Variants in MYO3B observed in about 807,000 individuals in gnomAD.
MYO3B encodes the protein myosin-IIIb.
MYO3B carries 156 observed loss-of-function variants against 174.6 expected under a neutral mutation model. The ratio of observed to expected loss-of-function variants is 0.89; its 90% CI spans 0.78 to 1.02. MYO3B has a LOEUF of 1.02. MYO3B is among the 50% of genes least tolerant of loss of function. The probability of loss-of-function intolerance (pLI) is 0.00; values close to 1 mark genes in which losing one functional copy is unlikely to be tolerated. For missense variants in MYO3B, 1,632 were observed against 1,639.4 expected, an observed-to-expected ratio of 1.00 and a Z score of 0.08; for synonymous variants, 563 against 569.1, an observed-to-expected ratio of 0.99 and a Z score of 0.15.
chr2:170,462,793 C>G (rs1197246972), intron 23 of MYO3B, among the ~76,000 whole-genome samples: 1 of 152,232 alleles, frequency 6.6e-6, no homozygotes, highest in Non-Finnish European at 1.5e-5. Context: ...TTCAGTCAGC[C>G]CAGGTAGTTG....
intron 25 of MYO3B, among the ~76,000 whole-genome samples, chr2:170,475,476 C>T (rs1372716767): frequency 6.6e-6 from 1 of 152,166 alleles, no homozygotes; most frequent in Non-Finnish European, 1.5e-5. Context: ...GTCTCAGACT[C>T]CTGGGCTCAA....
At chr2:170,538,474 C>T (rs892779333) in intron 30 of MYO3B, among the ~76,000 whole-genome samples, 3 of 152,314 alleles carry the variant, frequency 2.0e-5, no homozygotes, top group South Asian at 2.1e-4. Flanking sequence ...CTAGTGCCAC[C>T]GGCGCAGCGT....
In MYO3B at chr2:170,466,497, C is replaced by T. The variant is rs1389999890; in HGVS notation, c.2809-9C>T. ...AACCTTGTTCCTTGTGCATTTTTCT[C>T]CCTGGTAGTATTCTCTGATGGACCT... On this transcript the variant is annotated splice_polypyrimidine_tract_variant and intron_variant, in intron 24 of 34. Coordinates refer to ENST00000408978, the MANE Select transcript of MYO3B (RefSeq NM_138995.5). The T allele has an allele frequency of 3.7e-6, 6 of 1,613,524 alleles. No individual in the cohort carries two copies. The highest frequency in any genetic ancestry group is 1.3e-5 in the African/African-American group (1 of 74,900).
chr2:170,592,958 A>G (rs1284482403), intron 32 of MYO3B, among the ~76,000 whole-genome samples: 1 of 152,174 alleles, frequency 6.6e-6, no homozygotes, highest in Non-Finnish European at 1.5e-5. Context: ...ATAGATATAT[A>G]TCTATAGATA....
intron 7 of MYO3B, among the ~76,000 whole-genome samples, chr2:170,250,678 C>G (rs146376256): frequency 6.6e-6 from 1 of 152,292 alleles, no homozygotes; most frequent in African/African-American, 2.4e-5. Context: ...ATCCAGAGTT[C>G]TTGTCCAGTG....
chr2:170,478,343 G>C (rs1216702808), intron 25 of MYO3B, among the ~76,000 whole-genome samples: 20 of 152,080 alleles, frequency 1.3e-4, no homozygotes, highest in Admixed American at 1.3e-3. Flanking sequence ...GTGATTTAAA[G>C]AATACGGGAT....
Position 170,231,301 on chromosome 2 carries a change from C to T in MYO3B, c.604-4690C>T, listed in dbSNP as rs146257228. Among the ~76,000 whole-genome samples, 172 of 152,282 alleles carry T rather than the reference C, an allele frequency of 1.1e-3. 1 individual carries two copies. The highest frequency in any genetic ancestry group is 4.1e-3 in the African/African-American group (169 of 41,556). On this transcript the variant is annotated intron_variant, in intron 6 of 34. Coordinates refer to ENST00000408978, the MANE Select transcript of MYO3B (RefSeq NM_138995.5). ...ACAATTGAAGACAGATAATGACTAGCCTTTGCTCCAAAGACCTGTCAAGCT... is the reference window on the plus strand; with the variant it reads ...ACAATTGAAGACAGATAATGACTAGTCTTTGCTCCAAAGACCTGTCAAGCT...
Position 170,516,498 on chromosome 2 carries a change from G to A in MYO3B, c.3472+1476G>A, listed in dbSNP as rs1476584153. Among the ~76,000 whole-genome samples, 3 of 151,978 alleles carry A rather than the reference G, an allele frequency of 2.0e-5. No homozygotes were observed. The South Asian group carries it at 6.3e-4, about 32-fold the overall frequency. On this transcript the variant is annotated intron_variant, in intron 29 of 34. Coordinates refer to ENST00000408978, the MANE Select transcript of MYO3B (RefSeq NM_138995.5). ...CTCTACTAAAAATACAAAAAATTAG[G>A]CGGGCATGGCGGCAGGCACCTGTAG...
chr2:170,393,286 G>A lies in MYO3B; in HGVS notation c.1791+791G>A, dbSNP rs375675331. Among the ~76,000 whole-genome samples the A allele has an allele frequency of 1.1e-4, 16 of 151,868 alleles. 1 individual carries two copies. The East Asian group carries it at 3.1e-3, about 30-fold the overall frequency. On this transcript the variant is annotated intron_variant, in intron 16 of 34. Transcript: ENST00000408978. ...TTTAGTAGAGACGGGGTTTCACCAT[G>A]TTGGCCAAGCTGGTCTTGAACTCCT... is the stretch of plus-strand genomic sequence containing the variant.
chr2:170,563,343 G>A (rs1691867645), intron 32 of MYO3B, among the ~76,000 whole-genome samples: 1 of 152,190 alleles, frequency 6.6e-6, no homozygotes, highest in Admixed American at 6.5e-5. Flanking sequence ...ACGTAAAGGA[G>A]CAAGAAGAGA....
rs531373112 is a variant in MYO3B at position 170,225,868 on chromosome 2, C to T, written c.603+8473C>T. 1.1e-3 allele frequency among the ~76,000 whole-genome samples: 165 copies of T among 152,288 alleles called. 2 individuals are homozygous for T. The highest frequency in any genetic ancestry group is 3.8e-3 in the African/African-American group (158 of 41,568). ...TGCAACTGTTCAGGGCAGTGCCAGA[C>T]GCAATAGGGGCTTCTAACAGTGGTG... On this transcript the variant is annotated intron_variant, in intron 6 of 34. Transcript: ENST00000408978.
chr2:170,614,557 T>C (rs1695325651), intron 32 of MYO3B, among the ~76,000 whole-genome samples: 1 of 152,208 alleles, frequency 6.6e-6, no homozygotes, highest in Non-Finnish European at 1.5e-5. Context: ...TTTGCTGTGC[T>C]CTTAACCAGA....
At chr2:170,576,646 T>C (rs1692806085) in intron 32 of MYO3B, among the ~76,000 whole-genome samples, 1 of 152,238 alleles carries the variant, frequency 6.6e-6, no homozygotes, top group Non-Finnish European at 1.5e-5. Flanking sequence ...TGTTCTTGTG[T>C]GTACATACTT....
intron 5 of MYO3B, among the ~76,000 whole-genome samples, chr2:170,216,244 G>A (rs2092826929): frequency 6.6e-6 from 1 of 152,218 alleles, no homozygotes; most frequent in South Asian, 2.1e-4. Flanking sequence ...AATGACATTA[G>A]TGGCAACCCT....
intron 32 of MYO3B, 23 bp downstream of exon 32, chr2:170,544,011 C>T (rs1359479537): frequency 7.8e-6 from 12 of 1,533,438 alleles, no homozygotes; most frequent in Non-Finnish European, 1.1e-5. Flanking sequence ...TTTTGAATTG[C>T]ATGCGGCTTC....
intron 7 of MYO3B, among the ~76,000 whole-genome samples, chr2:170,318,825 T>C (rs2093794540): frequency 8.7e-6 from 1 of 114,704 alleles, no homozygotes; most frequent in South Asian, 2.7e-4. Flanking sequence ...GCCAAAAAAA[T>C]CTGTGTCATG....
At chr2:170,314,593 C>T (rs1004245526) in intron 7 of MYO3B, among the ~76,000 whole-genome samples, 1 of 152,184 alleles carries the variant, frequency 6.6e-6, no homozygotes, top group Non-Finnish European at 1.5e-5. Context: ...ATCTAATCAG[C>T]TTTCAGCAGT....
intron 7 of MYO3B, among the ~76,000 whole-genome samples, chr2:170,262,086 A>G (rs916066001): frequency 3.3e-5 from 5 of 152,188 alleles, no homozygotes; most frequent in African/African-American, 9.7e-5. Context: ...TGAAGGTATA[A>G]AGAAAGGGCT....
intron 34 of MYO3B, among the ~76,000 whole-genome samples, 195 bp downstream of exon 34, chr2:170,652,349 G>A (rs1385830425): frequency 6.6e-6 from 1 of 152,286 alleles, no homozygotes; most frequent in African/African-American, 2.4e-5. Flanking sequence ...CAAAAAGGTT[G>A]AAATTGTCAC....
Sources: gnomAD v4.1 joint callset for allele counts (sites outside exome capture counted in the v4.1 genomes callset) on GRCh38, gnomAD v4.1.1 for gene constraint, MANE v1.5 for transcripts, NCBI Gene and HGNC (gene_info 2026-07-23, HGNC 2026-07-21) for gene names.